Variants in EVC2 observed in about 807,000 individuals in gnomAD.
EVC2 encodes the protein limbin.
Under a neutral mutation model 149.3 loss-of-function variants are expected in EVC2, and 148 were observed. That is an observed-to-expected ratio of 0.99 (90% CI 0.87 to 1.14). The LOEUF (loss-of-function observed/expected upper bound fraction) is 1.14. Among genes scored for constraint, EVC2 ranks in the 50% most tolerant of loss-of-function variants. EVC2 has a pLI of 0.00. For missense variants in EVC2, 1,854 were observed against 1,627.3 expected (o/e 1.14, Z -2.40); for synonymous variants, 776 against 649.9 (o/e 1.19, Z -2.95).
At chr4:5,668,043 A>C (rs1719388310) in intron 7 of EVC2, among the ~76,000 whole-genome samples, 1 of 152,204 alleles carries the variant, frequency 6.6e-6, no homozygotes, top group South Asian at 2.1e-4. Flanking sequence ...AATGGAAAGC[A>C]TATTATACCC....
intron 9 of EVC2, among the ~76,000 whole-genome samples, chr4:5,653,868 T>C (rs1718315621): frequency 6.6e-6 from 1 of 152,216 alleles, no homozygotes; most frequent in African/African-American, 2.4e-5. Context: ...CCACCCTCTC[T>C]TCAGCGCTGA....
rs1489956102 is a variant in EVC2, at chr4:5,708,330, T to A, written c.184A>T (p.Ile62Phe). Reference protein sequence around the residue: ...VAPRSGPGLRIPPGRSGAGPE... With the variant: ...VAPRSGPGLRFPPGRSGAGPE... ...CCCGCCCCGCTCCGCCCCGGAGGGA[T>A]CCTCAGGCCGGGCCCAGACCTAGGA... Residue 62 changes from isoleucine to phenylalanine, a missense_variant, in exon 1 of 22, where the codon ATC becomes TTC. Transcript: ENST00000344408. 2.0e-6 allele frequency: 3 copies of A among 1,469,020 alleles called. No individual in the cohort carries two copies. The highest frequency in any genetic ancestry group is 3.0e-5 in the African/African-American group (2 of 67,582). 91.0% of individuals were successfully genotyped at this position (1,469,020 alleles called of 1,614,324 possible). A position where few individuals can be genotyped will look rare whatever the true frequency, so the allele number is the denominator to read the frequency against.
chr4:5,588,744 T>G (rs371766190), intron 16 of EVC2, among the ~76,000 whole-genome samples: 1 of 152,218 alleles, frequency 6.6e-6, no homozygotes. Context: ...TATAGACATA[T>G]AGATATATCT....
rs566821076 is a variant in EVC2, at chr4:5,585,030, A to C, written c.2830-180T>G. ...TCAGAAAAGGCTGTCCCTGCGTATG[A>C]AGACGCCAGGGGCTTGGGGAGCCCA... On this transcript the variant is annotated intron_variant, in intron 16 of 21. Coordinates refer to ENST00000344408, the MANE Select transcript of EVC2 (RefSeq NM_147127.5). 9.2e-5 allele frequency among the ~76,000 whole-genome samples: 14 copies of C among 152,272 alleles called. No homozygotes were observed. In the South Asian group the frequency reaches 2.9e-3, roughly 32 times the overall value.
At chr4:5,574,941 C>G (rs1722831404) in intron 18 of EVC2, among the ~76,000 whole-genome samples, 169 bp from the exon 19 acceptor site, 1 of 152,192 alleles carries the variant, frequency 6.6e-6, no homozygotes, top group African/African-American at 2.4e-5. Flanking sequence ...CTTGCCTAGG[C>G]TACTTTGCAC....
rs1308566225 is a variant in EVC2 at position 5,670,585 on chromosome 4, A to G, written c.871-4936T>C. 6.6e-6 allele frequency among the ~76,000 whole-genome samples: 1 copy of G among 151,992 alleles called. No individual in the cohort carries two copies. The highest frequency in any genetic ancestry group is 1.5e-5 in the Non-Finnish European group (1 of 67,992). On this transcript the variant is annotated intron_variant, in intron 7 of 21. Transcript: ENST00000344408. This position sits in a 1 kb window ranked among gnomAD's most constrained non-coding sequence, Gnocchi z 5.2. ...ATTGGCCATCACCACCATCACTATC[A>G]ACATCATCAATATCACCATCACCAT...
At chr4:5,627,000 T>A (rs775276392) in intron 12 of EVC2, among the ~76,000 whole-genome samples, 4 of 152,124 alleles carry the variant, frequency 2.6e-5, no homozygotes, top group Non-Finnish European at 5.9e-5. Flanking sequence ...TTGAGCTAGT[T>A]CCTATTTATA....
rs772534880 is a variant in EVC2 at position 5,688,211 on chromosome 4, G to A, written c.706+946C>T. On this transcript the variant is annotated intron_variant, in intron 5 of 21. Coordinates refer to ENST00000344408, the MANE Select transcript of EVC2 (RefSeq NM_147127.5). ...ACTAGTAGCTTCTGTCAATAATAGC[G>A]TGTTAAGAAGGATTCTGAGGCCTTA... Among the ~76,000 whole-genome samples the A allele has an allele frequency of 3.1e-4, 47 of 152,246 alleles. 1 individual carries two copies. The highest frequency in any genetic ancestry group is 9.6e-4 in the African/African-American group (40 of 41,544).
intron 10 of EVC2, among the ~76,000 whole-genome samples, chr4:5,634,353 G>A (rs751591726): frequency 4.6e-5 from 7 of 152,172 alleles, no homozygotes; most frequent in African/African-American, 1.2e-4. Context: ...GGGGCATTCC[G>A]CTACGAATGA....
Position 5,567,604 on chromosome 4 carries a change from C to T in EVC2, c.3557+840G>A, listed in dbSNP as rs920844963. ...GGTACTGCTGGCTGCCCCCCAAACC[C>T]GCCTTACTCCACACCCCTTCCTGCC... On this transcript the variant is annotated intron_variant, in intron 20 of 21. Coordinates refer to ENST00000344408, the MANE Select transcript of EVC2 (RefSeq NM_147127.5). This position sits in a 1 kb window ranked among gnomAD's most constrained non-coding sequence, Gnocchi z 4.4. 1.3e-5 allele frequency among the ~76,000 whole-genome samples: 2 copies of T among 152,060 alleles called. No individual in the cohort carries two copies. The highest frequency in any genetic ancestry group is 4.8e-5 in the African/African-American group (2 of 41,390).
Position 5,622,066 on chromosome 4 carries a change from T to C in EVC2, c.2501+471A>G, listed in dbSNP as rs750883576. Among the ~76,000 whole-genome samples, 7 of 151,998 alleles carry C rather than the reference T, an allele frequency of 4.6e-5. No individual in the cohort carries two copies. Among genetic ancestry groups the C allele is most frequent in the Non-Finnish European group, 1.0e-4 (7 of 68,000 alleles). On this transcript the variant is annotated intron_variant, in intron 14 of 21. Coordinates refer to ENST00000344408, the MANE Select transcript of EVC2 (RefSeq NM_147127.5). The surrounding 1 kb of genome is among the most constrained non-coding windows in gnomAD (Gnocchi z 5.8). ...AGAACTAACACGAAGGTCAAGATCA[T>C]GAGCAGCCTTGATGCCTGGTGAAAC... is the stretch of plus-strand genomic sequence containing the variant.
At position 5,618,553 on chromosome 4, in the gene EVC2, C is replaced by T; in HGVS notation, c.2631G>A (p.Leu877=). The T allele has an allele frequency of 1.2e-6, 2 of 1,614,174 alleles. No individual in the cohort carries two copies. The highest frequency in any genetic ancestry group is 1.7e-6 in the Non-Finnish European group (2 of 1,180,040). Residue 877 remains leucine (L), a synonymous_variant, in exon 15 of 22, where the codon CTG becomes CTA. Coordinates refer to ENST00000344408, the MANE Select transcript of EVC2 (RefSeq NM_147127.5). This position sits in a 1 kb window ranked among gnomAD's most constrained non-coding sequence, Gnocchi z 4.4. ...CTCGCCACGCAGTCTGAAATTGCTG[C>T]AGCAGAACTCGGGCCCGGATCTTGG... The part of the protein sequence containing the change: ...ALPKIRARVL[L]QQFQTAWREA...
At chr4:5,708,634 G>C (rs1022113378), upstream of EVC2, 7 of 672,128 alleles carry the variant, frequency 1.0e-5, no homozygotes, top group Non-Finnish European at 1.6e-5. Flanking sequence ...AAGTTTTCTG[G>C]AACAAACACC....
chr4:5,679,207 T>C lies in EVC2; in HGVS notation c.870+2053A>G, dbSNP rs541867829. Among the ~76,000 whole-genome samples, 8 of 152,140 alleles carry C rather than the reference T, an allele frequency of 5.3e-5. No homozygotes were observed. Among genetic ancestry groups the C allele is most frequent in the African/African-American group, 1.4e-4 (6 of 41,498 alleles). ...TATGACTGTACACGACTATAGACTT[T>C]AGAAACACTGTACCCTTAGGCTACA... On this transcript the variant is annotated intron_variant, in intron 7 of 21. Coordinates refer to ENST00000344408, the MANE Select transcript of EVC2 (RefSeq NM_147127.5). This position sits in a 1 kb window ranked among gnomAD's most constrained non-coding sequence, Gnocchi z 5.1.
downstream of EVC2, among the ~76,000 whole-genome samples, chr4:5,560,686 A>G (rs2108763515): frequency 6.6e-6 from 1 of 152,328 alleles, no homozygotes; most frequent in South Asian, 2.1e-4. The surrounding 1 kb of genome is among the most constrained non-coding windows in gnomAD (Gnocchi z 4.1). Context: ...AAAATATAAT[A>G]AAATAAATAA....
chr4:5,565,487 A>G, intron 20 of EVC2, 128 bp from the exon 21 acceptor site: 1 of 766,794 alleles, frequency 1.3e-6, no homozygotes. Context: ...CCTGGCCAAC[A>G]TGGTGAAACC....
At chr4:5,612,056 G>A (rs574231155) in intron 16 of EVC2, among the ~76,000 whole-genome samples, 120 of 152,182 alleles carry the variant, frequency 7.9e-4, no homozygotes, top group African/African-American at 2.7e-3. Context: ...TTGCCAAGAC[G>A]GAATGTTAAA....
intron 9 of EVC2, among the ~76,000 whole-genome samples, chr4:5,660,702 T>C (rs1718821953): frequency 6.6e-6 from 1 of 152,216 alleles, no homozygotes; most frequent in African/African-American, 2.4e-5. Context: ...CACAAGTCTC[T>C]TTCACATCAT....
At chr4:5,697,376 C>A (rs1379970633) in intron 2 of EVC2, among the ~76,000 whole-genome samples, 1 of 152,214 alleles carries the variant, frequency 6.6e-6, no homozygotes, top group East Asian at 1.9e-4. Context: ...AAAGGGCCTA[C>A]CTCACCCTAG....
Sources: allele counts gnomAD v4.1 joint callset (sites outside exome capture counted in the v4.1 genomes callset), GRCh38; gene constraint gnomAD v4.1.1; non-coding constraint Gnocchi (gnomAD v3.1); transcripts MANE v1.5; gene names NCBI Gene and HGNC (gene_info 2026-07-23, HGNC 2026-07-21).